The following RFX3 variants were observed in gnomAD, a reference collection of about 807,000 sequenced individuals.
RFX3 encodes the protein transcription factor RFX3.
RFX3 carries 14 observed loss-of-function variants against 98.6 expected under a neutral mutation model. The ratio of observed to expected loss-of-function variants is 0.14; its 90% confidence interval spans 0.09 to 0.22. The LOEUF (loss-of-function observed/expected upper bound fraction) is 0.22. Among genes scored for constraint, RFX3 ranks in the 10% least tolerant of loss-of-function variants. RFX3 has a pLI of 1.00. For synonymous variants in RFX3, 383 were observed against 328.4 expected, an observed-to-expected ratio of 1.17 and a Z score of -1.80; for missense variants, 639 against 926.9, an observed-to-expected ratio of 0.69 and a Z score of 4.03.
intron 1 of RFX3, among the ~76,000 whole-genome samples, chr9:3,420,303 C>G (rs986593455): frequency 6.6e-6 from 1 of 152,088 alleles, no homozygotes; most frequent in Non-Finnish European, 1.5e-5. Context: ...AAACCAAATG[C>G]CCCTACACAG....
At chr9:3,497,249 G>C (rs1851177706) in intron 1 of RFX3, among the ~76,000 whole-genome samples, 1 of 152,026 alleles carries the variant, frequency 6.6e-6, no homozygotes, top group South Asian at 2.1e-4. Context: ...AAGTGCTACA[G>C]TCACTATACT....
intron 1 of RFX3, among the ~76,000 whole-genome samples, chr9:3,507,890 T>C (rs1484271677): frequency 6.6e-6 from 1 of 151,872 alleles, no homozygotes; most frequent in Non-Finnish European, 1.5e-5. Context: ...AAATGTAGAC[T>C]GGTCAAAAAA....
chr9:3,499,916 C>A (rs1417963490), intron 1 of RFX3, among the ~76,000 whole-genome samples: 1 of 152,092 alleles, frequency 6.6e-6, no homozygotes, highest in Non-Finnish European at 1.5e-5. Flanking sequence ...AGCCCTTCAA[C>A]TTAACTATTC....
At chr9:3,340,938 T>A (rs1276966346) in intron 3 of RFX3, among the ~76,000 whole-genome samples, 1 of 152,194 alleles carries the variant, frequency 6.6e-6, no homozygotes. Flanking sequence ...CATGCTGCTA[T>A]AAAGACACAT....
chr9:3,474,639 C>G (rs939025573), intron 1 of RFX3, among the ~76,000 whole-genome samples: 1 of 152,196 alleles, frequency 6.6e-6, no homozygotes, highest in South Asian at 2.1e-4. Context: ...AGTCAGCCAA[C>G]AAGTGGCAGC....
chr9:3,262,614 C>A (rs1465500312), intron 13 of RFX3, among the ~76,000 whole-genome samples: 1 of 152,144 alleles, frequency 6.6e-6, no homozygotes, highest in Non-Finnish European at 1.5e-5. Context: ...GCCCAAGATC[C>A]CACAGCTGGT....
intron 2 of RFX3, among the ~76,000 whole-genome samples, chr9:3,351,829 G>C (rs538851710): frequency 1.3e-5 from 2 of 151,974 alleles, no homozygotes; most frequent in African/African-American, 2.4e-5. Flanking sequence ...AAGAAAACGA[G>C]CATGCTTACA....
chr9:3,297,509 A>T (rs982105015), intron 5 of RFX3, among the ~76,000 whole-genome samples: 1 of 152,072 alleles, frequency 6.6e-6, no homozygotes, highest in Non-Finnish European at 1.5e-5. Context: ...GACAAATAAA[A>T]AGAAATAAAT....
At chr9:3,283,394 G>A (rs1405154153) in intron 7 of RFX3, among the ~76,000 whole-genome samples, 9 of 151,668 alleles carry the variant, frequency 5.9e-5, no homozygotes, top group African/African-American at 1.2e-4. Context: ...AGTCTATTAT[G>A]AATTTCTATT....
At position 3,352,270 on chromosome 9, in the gene RFX3, A is replaced by G. The variant is rs554256194; in HGVS notation, c.118-5506T>C. ...TATGTGTGTGTGCATATATATATAC[A>G]TATCAGCATATATGTTCGTATGTGT... On this transcript the variant is annotated intron_variant, in intron 2 of 16. Transcript: ENST00000617270. Among the ~76,000 whole-genome samples the G allele has an allele frequency of 6.6e-5, 10 of 152,120 alleles. No individual in the cohort carries two copies. In the South Asian group the frequency reaches 1.9e-3, roughly 28 times the overall value.
intron 1 of RFX3, among the ~76,000 whole-genome samples, chr9:3,398,935 A>T (rs1178766885): frequency 2.7e-5 from 4 of 149,992 alleles, no homozygotes; most frequent in Admixed American, 1.3e-4. Flanking sequence ...AAAAAAAAAA[A>T]AAAAAATTAA....
intron 4 of RFX3, among the ~76,000 whole-genome samples, chr9:3,307,136 G>A (rs186284603): frequency 2.6e-5 from 4 of 152,216 alleles, no homozygotes; most frequent in Non-Finnish European, 4.4e-5. Context: ...TGCCATGACT[G>A]TGAGGCTTCC....
chr9:3,518,649 T>C (rs1036417931), intron 1 of RFX3, among the ~76,000 whole-genome samples: 2 of 152,048 alleles, frequency 1.3e-5, no homozygotes, highest in African/African-American at 4.8e-5. Context: ...TCAGGAAAAA[T>C]ATAGAAATAA....
intron 4 of RFX3, among the ~76,000 whole-genome samples, chr9:3,303,820 G>T (rs1351876714): frequency 6.6e-6 from 1 of 151,964 alleles, no homozygotes; most frequent in Non-Finnish European, 1.5e-5. Flanking sequence ...GGTGAAAATG[G>T]ATTCCCCAGG....
chr9:3,407,050 G>C (rs140620109), intron 1 of RFX3, among the ~76,000 whole-genome samples: 3,037 of 152,288 alleles, frequency 0.02, 41 homozygotes, highest in Non-Finnish European at 0.03. Context: ...CTTAGAATAA[G>C]TGGCCTGGTA....
At chr9:3,292,160 T>C (rs138884893) in intron 6 of RFX3, among the ~76,000 whole-genome samples, 1,578 of 150,166 alleles carry the variant, frequency 0.011, 16 homozygotes, top group African/African-American at 0.021. Context: ...TATCACCTAA[T>C]GTTGTATAGT....
chr9:3,243,304 A>G (rs1439497022), intron 15 of RFX3, among the ~76,000 whole-genome samples: 2 of 144,280 alleles, frequency 1.4e-5, no homozygotes, highest in Non-Finnish European at 3.0e-5. Context: ...AGCAATAAAT[A>G]AATTGTTTCC....
intron 2 of RFX3, among the ~76,000 whole-genome samples, chr9:3,372,129 C>A (rs1837931253): frequency 6.6e-6 from 1 of 152,174 alleles, no homozygotes; most frequent in Non-Finnish European, 1.5e-5. Flanking sequence ...TGAGAGATTT[C>A]TTGGTACCCT....
rs570644414 is a variant in RFX3, at chr9:3,261,821, G to A, written c.1605+1114C>T. On this transcript the variant is annotated intron_variant, in intron 13 of 16. Coordinates refer to ENST00000617270, the MANE Select transcript of RFX3 (RefSeq NM_001282116.2). ...TCGCCAATAGGGTATGTTATTATAT[G>A]TCTTTTTGCTTAGACCCATTTTAGA... is the stretch of plus-strand genomic sequence containing the variant. Among the ~76,000 whole-genome samples the A allele has an allele frequency of 3.4e-4, 51 of 152,152 alleles. 1 individual carries two copies. Among genetic ancestry groups the A allele is most frequent in the African/African-American group, 1.2e-3 (49 of 41,532 alleles).
Sources: allele counts gnomAD v4.1 joint callset (sites outside exome capture counted in the v4.1 genomes callset), GRCh38; gene constraint gnomAD v4.1.1; transcripts MANE v1.5; gene names NCBI Gene and HGNC (gene_info 2026-07-23, HGNC 2026-07-21).